The following ANKS1A variants were observed in gnomAD, a reference collection of about 807,000 sequenced individuals.
ANKS1A encodes ankyrin repeat and SAM domain-containing protein 1A.
A neutral mutation model predicts 120.3 loss-of-function variants in ANKS1A; 55 were observed. The observed-to-expected ratio is 0.46, with a 90% CI of 0.37 to 0.57. The LOEUF (loss-of-function observed/expected upper bound fraction) is 0.57, where lower values mean the gene tolerates loss of function less well. Ranked by LOEUF, ANKS1A falls within the 20% of genes least tolerant of loss-of-function variation. ANKS1A has a pLI of 0.00. For synonymous variants in ANKS1A, 590 were observed against 604.7 expected (o/e 0.98, Z 0.36); for missense variants, 1,123 against 1,480.3 (o/e 0.76, Z 3.96).
chr6:35,043,824 C>G (rs1004102091), intron 11 of ANKS1A, among the ~76,000 whole-genome samples: 1 of 152,124 alleles, frequency 6.6e-6, no homozygotes, highest in African/African-American at 2.4e-5. Flanking sequence ...CTATAAAACA[C>G]CATTGACTAA....
chr6:35,035,486 G>A (rs1376186502), intron 11 of ANKS1A, among the ~76,000 whole-genome samples: 1 of 152,174 alleles, frequency 6.6e-6, no homozygotes, highest in Non-Finnish European at 1.5e-5. Context: ...TATTTTTATT[G>A]GTGTTGGCTT....
At chr6:35,042,583 G>A (rs754353791) in intron 11 of ANKS1A, among the ~76,000 whole-genome samples, 3 of 152,214 alleles carry the variant, frequency 2.0e-5, no homozygotes, top group Non-Finnish European at 4.4e-5. Context: ...CCTTATGTAT[G>A]TGTGAGCAGG....
intron 1 of ANKS1A, among the ~76,000 whole-genome samples, chr6:34,955,596 T>TA (rs1487224688): frequency 6.6e-6 from 1 of 152,150 alleles, no homozygotes; most frequent in African/African-American, 2.4e-5. Context: ...ATTCTCCAGA[T>TA]ATGGTCTCTA....
At chr6:34,971,477 TATG>T (rs1475228830) in intron 3 of ANKS1A, among the ~76,000 whole-genome samples, 3 of 152,214 alleles carry the variant, frequency 2.0e-5, no homozygotes, top group Non-Finnish European at 4.4e-5. Flanking sequence ...GCATTCCTTA[TATG>T]ATAAGCCATT....
chr6:34,962,405 T>A (rs542819679), intron 1 of ANKS1A, among the ~76,000 whole-genome samples: 1 of 152,346 alleles, frequency 6.6e-6, no homozygotes, highest in East Asian at 1.9e-4. Flanking sequence ...TATGATGTTT[T>A]AAAATAGCTA....
At chr6:34,927,631 G>A (rs1768781968) in intron 1 of ANKS1A, among the ~76,000 whole-genome samples, 1 of 152,152 alleles carries the variant, frequency 6.6e-6, no homozygotes, top group South Asian at 2.1e-4. Context: ...CACCTCATTG[G>A]AGCTGGACTA....
chr6:35,014,901 C>A (rs1274700367), intron 10 of ANKS1A, among the ~76,000 whole-genome samples: 2 of 152,210 alleles, frequency 1.3e-5, no homozygotes, highest in African/African-American at 4.8e-5. Context: ...CTAGGAAGTA[C>A]TATTGACCTG....
chr6:34,982,093 A>G lies in ANKS1A; in HGVS notation c.732+107A>G, dbSNP rs986635975. On this transcript the variant is annotated intron_variant, in intron 4 of 23. Transcript: ENST00000360359. This position sits in a 1 kb window ranked among gnomAD's most constrained non-coding sequence, Gnocchi z 4.9. ...GTGCTCTTTATTTAGCACGTTTCAC[A>G]TCATGTTTCAAATGCTTATTTGCCG... is the stretch of plus-strand genomic sequence containing the variant. 7.4e-6 allele frequency: 10 copies of G among 1,355,030 alleles called. No homozygotes were observed. Among genetic ancestry groups the G allele is most frequent in the South Asian group, 1.4e-5 (1 of 70,920 alleles). The allele number at this position is 1,355,030 out of a possible 1,614,324, so 83.9% of individuals were successfully genotyped here. A position where few individuals can be genotyped will look rare whatever the true frequency, so the allele number is the denominator to read the frequency against.
At chr6:35,064,820 G>T (rs1423494756) in intron 13 of ANKS1A, among the ~76,000 whole-genome samples, 1 of 151,702 alleles carries the variant, frequency 6.6e-6, no homozygotes, top group Non-Finnish European at 1.5e-5. Flanking sequence ...CCATCTCCCT[G>T]CACAGCACTC....
chr6:35,091,237 TA>T lies in ANKS1A; in HGVS notation c.*2631del. ...AATCTGTCTGATTTTGTCTGAATTATAAACACTTTGAGGTACCAAACATAAC... is the reference window on the plus strand; with the variant it reads ...AATCTGTCTGATTTTGTCTGAATTATAACACTTTGAGGTACCAAACATAAC... On this transcript the variant is annotated 3_prime_UTR_variant, in exon 24 of 24. Coordinates refer to ENST00000360359, the MANE Select transcript of ANKS1A (RefSeq NM_015245.3). 1.0e-6 allele frequency: 1 copy of T among 985,936 alleles called. No individual in the cohort carries two copies. Among genetic ancestry groups the T allele is most frequent in the Non-Finnish European group, 1.2e-6 (1 of 829,954 alleles). The allele number at this position is 985,936 out of a possible 1,614,324, so 61.1% of individuals were successfully genotyped here. A position where few individuals can be genotyped will look rare whatever the true frequency, so the allele number is the denominator to read the frequency against.
In ANKS1A at chr6:34,939,325, T is replaced by C. The variant is rs1769415650; in HGVS notation, c.198-27914T>C. Among the ~76,000 whole-genome samples the C allele has an allele frequency of 2.6e-5, 4 of 152,336 alleles. No homozygotes were observed. The South Asian group carries it at 8.3e-4, about 32-fold the overall frequency. ...CCCTCCAGCAGCCTCACTGGAGTGA[T>C]TTCACAAGTCTTCTCAATAAATTTA... On this transcript the variant is annotated intron_variant, in intron 1 of 23. Coordinates refer to ENST00000360359, the MANE Select transcript of ANKS1A (RefSeq NM_015245.3).
At chr6:35,043,554 G>A (rs944133020) in intron 11 of ANKS1A, among the ~76,000 whole-genome samples, 2 of 152,154 alleles carry the variant, frequency 1.3e-5, no homozygotes, top group African/African-American at 4.8e-5. Flanking sequence ...TGTTTATGAG[G>A]CACTGCTGCC....
intron 1 of ANKS1A, among the ~76,000 whole-genome samples, chr6:34,963,406 C>T (rs1444260416): frequency 6.6e-6 from 1 of 152,100 alleles, no homozygotes; most frequent in African/African-American, 2.4e-5. Flanking sequence ...TATTTTATTA[C>T]CATAATGTCC....
In ANKS1A at chr6:34,982,621, A is replaced by G. The variant is rs1230557363; in HGVS notation, c.733-131A>G. The G allele has an allele frequency of 1.1e-5, 10 of 921,382 alleles. No individual in the cohort carries two copies. Among genetic ancestry groups the G allele is most frequent in the African/African-American group, 3.3e-5 (2 of 60,858 alleles). 57.1% of individuals were successfully genotyped at this position (921,382 alleles called of 1,614,324 possible). A position where few individuals can be genotyped will look rare whatever the true frequency, so the allele number is the denominator to read the frequency against. On this transcript the variant is annotated intron_variant, in intron 4 of 23. Transcript: ENST00000360359. This position sits in a 1 kb window ranked among gnomAD's most constrained non-coding sequence, Gnocchi z 4.9. ...GGAATCCACACAAGAAAAGCTGGAA[A>G]GATAATGACAGAGGGCTTTGTGTAG...
At chr6:35,096,779 G>A in the ANKS1A span, among the ~76,000 whole-genome samples, 1 of 152,136 alleles carries the variant, frequency 6.6e-6, no homozygotes, top group Non-Finnish European at 1.5e-5. Flanking sequence ...AGGCATGCCA[G>A]GTTTTCTGAG....
In ANKS1A at chr6:35,035,244, G is replaced by C. The variant is rs376810718; in HGVS notation, c.2010+17185G>C. Among the ~76,000 whole-genome samples the C allele has an allele frequency of 3.9e-4, 59 of 152,314 alleles. No homozygotes were observed. The East Asian group carries it at 8.1e-3, about 21-fold the overall frequency. On this transcript the variant is annotated intron_variant, in intron 11 of 23. Coordinates refer to ENST00000360359, the MANE Select transcript of ANKS1A (RefSeq NM_015245.3). ...AGGACACAATTCCTTCTCTTAGGAA[G>C]TTTCCTTGAAGGAAGTTGAGTGGCT...
intron 1 of ANKS1A, among the ~76,000 whole-genome samples, chr6:34,894,034 T>G (rs974767142): frequency 2.6e-5 from 4 of 152,234 alleles, no homozygotes; most frequent in Non-Finnish European, 5.9e-5. Flanking sequence ...ATGTCTAGGC[T>G]TACAGAGGCT....
intron 1 of ANKS1A, among the ~76,000 whole-genome samples, chr6:34,908,332 C>T (rs1164857747): frequency 6.6e-6 from 1 of 152,140 alleles, no homozygotes; most frequent in Non-Finnish European, 1.5e-5. Flanking sequence ...GGTAGAGAAG[C>T]TTAAAATAAG....
chr6:34,922,694 CTTTT>C (rs61568974), intron 1 of ANKS1A, among the ~76,000 whole-genome samples: 2 of 127,834 alleles, frequency 1.6e-5, no homozygotes, highest in Non-Finnish European at 3.3e-5. Context: ...CTGGGCATTT[CTTTT>C]TTTTTTTTTT....
Sources: allele counts gnomAD v4.1 joint callset (sites outside exome capture counted in the v4.1 genomes callset), GRCh38; gene constraint gnomAD v4.1.1; non-coding constraint Gnocchi (gnomAD v3.1); transcripts MANE v1.5; gene names NCBI Gene and HGNC (gene_info 2026-07-23, HGNC 2026-07-21).